The following CMIP variants were observed in gnomAD, a reference collection of about 807,000 sequenced individuals.
The protein encoded by CMIP is C-Maf-inducing protein.
In CMIP, 13 loss-of-function variants were observed where a neutral mutation model predicts 97.3. The observed-to-expected ratio is 0.13, with a 90% CI of 0.09 to 0.21. The LOEUF (loss-of-function observed/expected upper bound fraction) is 0.21. CMIP is among the 10% of genes least tolerant of loss of function. The probability of loss-of-function intolerance (pLI) is 1.00; values close to 1 mark genes in which losing one functional copy is unlikely to be tolerated. For synonymous variants in CMIP, 538 were observed against 436.3 expected (o/e 1.23, Z -2.91); for missense variants, 847 against 1,024.9 (o/e 0.83, Z 2.37).
intron 1 of CMIP, among the ~76,000 whole-genome samples, chr16:81,510,523 A>G (rs1231031281): frequency 1.3e-5 from 2 of 152,150 alleles, no homozygotes; most frequent in Non-Finnish European, 2.9e-5. Context: ...TAGCAAGCAA[A>G]GGGACATGCA....
chr16:81,595,550 G>A (rs1161514271), intron 1 of CMIP, among the ~76,000 whole-genome samples: 1 of 151,890 alleles, frequency 6.6e-6, no homozygotes, highest in Admixed American at 6.6e-5. Flanking sequence ...CACCATGCCT[G>A]GCTTATTTTT....
chr16:81,679,090 A>C (rs1056784911), intron 10 of CMIP, among the ~76,000 whole-genome samples: 12 of 152,190 alleles, frequency 7.9e-5, no homozygotes, highest in African/African-American at 2.9e-4. Flanking sequence ...GTGTGTGGAC[A>C]TCTCTACTGT....
At chr16:81,587,525 C>T (rs553898194) in intron 1 of CMIP, among the ~76,000 whole-genome samples, 3 of 152,324 alleles carry the variant, frequency 2.0e-5, no homozygotes, top group African/African-American at 7.2e-5. Flanking sequence ...ATCATCATCC[C>T]CATCACGGTA....
intron 1 of CMIP, among the ~76,000 whole-genome samples, chr16:81,485,848 G>C (rs1246577375): frequency 6.6e-6 from 1 of 152,198 alleles, no homozygotes; most frequent in African/African-American, 2.4e-5. Flanking sequence ...ATGAATGATA[G>C]AGCTGGGGTG....
intron 1 of CMIP, among the ~76,000 whole-genome samples, chr16:81,470,825 T>C (rs1907480582): frequency 6.6e-6 from 1 of 152,274 alleles, no homozygotes; most frequent in South Asian, 2.1e-4. Context: ...GTAAACACAA[T>C]TCTTGACTTC....
chr16:81,640,770 G>GTGTGTGTGTGTGTGTGTGTCTC (rs376370488), intron 3 of CMIP, among the ~76,000 whole-genome samples: 109 of 135,710 alleles, frequency 8.0e-4, no homozygotes, highest in African/African-American at 2.7e-3. Flanking sequence ...GTGTGTGTGT[G>GTGTGTGTGTGTGTGTGTGTCTC]TCTCTCTCTC....
At chr16:81,604,200 C>T (rs1567605367) in intron 1 of CMIP, among the ~76,000 whole-genome samples, 1 of 145,908 alleles carries the variant, frequency 6.9e-6, no homozygotes, top group African/African-American at 2.5e-5. Flanking sequence ...TCGAGACCAG[C>T]CTGGCCAACA....
chr16:81,709,128 C>A (rs1180124803), intron 20 of CMIP, among the ~76,000 whole-genome samples: 1 of 152,168 alleles, frequency 6.6e-6, no homozygotes, highest in Non-Finnish European at 1.5e-5. Flanking sequence ...CAGGTGGAAT[C>A]ACAGAGTCGA....
At chr16:81,490,273 T>C (rs1319224700) in intron 1 of CMIP, among the ~76,000 whole-genome samples, 1 of 152,206 alleles carries the variant, frequency 6.6e-6, no homozygotes, top group African/African-American at 2.4e-5. Context: ...GTTCTCGTGG[T>C]CAGGAGAGCC....
At chr16:81,513,728 G>A (rs937965570) in intron 1 of CMIP, among the ~76,000 whole-genome samples, 3 of 152,232 alleles carry the variant, frequency 2.0e-5, no homozygotes, top group Admixed American at 6.5e-5. Flanking sequence ...AGGCCAAGCC[G>A]TTTTGCAAGG....
chr16:81,524,402 C>T (rs573994083), intron 1 of CMIP, among the ~76,000 whole-genome samples: 28 of 152,364 alleles, frequency 1.8e-4, no homozygotes, highest in Admixed American at 5.2e-4. Flanking sequence ...TTCAGCCAGT[C>T]TGGCTCTGCT....
chr16:81,663,195 A>G (rs2092566471), intron 6 of CMIP, among the ~76,000 whole-genome samples: 2 of 152,140 alleles, frequency 1.3e-5, no homozygotes, highest in African/African-American at 4.8e-5. Context: ...TGCCGACGTT[A>G]CAGCAGCTGT....
At chr16:81,668,350 G>A (rs371877668) in intron 7 of CMIP, among the ~76,000 whole-genome samples, 2 of 152,240 alleles carry the variant, frequency 1.3e-5, no homozygotes, top group South Asian at 2.1e-4. Flanking sequence ...GAATGAATGC[G>A]GCGGCCAGAT....
chr16:81,567,543 C>A (rs1180775992), intron 1 of CMIP, among the ~76,000 whole-genome samples: 2 of 152,226 alleles, frequency 1.3e-5, no homozygotes, highest in Non-Finnish European at 1.5e-5. Flanking sequence ...GTCTCTGGGC[C>A]TCAGTTTCCA....
chr16:81,487,156 T>G (rs1165580818), intron 1 of CMIP, among the ~76,000 whole-genome samples: 2 of 149,208 alleles, frequency 1.3e-5, no homozygotes, highest in Non-Finnish European at 3.0e-5. Context: ...GGGGTGAGGC[T>G]TCTAGTGAAC....
intron 1 of CMIP, among the ~76,000 whole-genome samples, chr16:81,539,640 G>A (rs542185704): frequency 7.9e-5 from 12 of 152,140 alleles, no homozygotes; most frequent in African/African-American, 2.2e-4. Flanking sequence ...CCTACCCTGC[G>A]TCCTGTTTCC....
Position 81,703,810 on chromosome 16 carries a change from G to A in CMIP, c.1945-129G>A, listed in dbSNP as rs1907703098. ...GAGCTGTGCCCCCATCTCAGCTCCT[G>A]GGATTTACCGCCCCCCAGGAACAGC... On this transcript the variant is annotated intron_variant, in intron 17 of 20. Transcript: ENST00000537098. 7 of 1,313,742 alleles carry A rather than the reference G, an allele frequency of 5.3e-6. No homozygotes were observed. In the South Asian group the frequency reaches 7.4e-5, roughly 14 times the overall value. 81.4% of individuals were successfully genotyped at this position (1,313,742 alleles called of 1,614,324 possible).
At chr16:81,618,212 C>G (rs35191179) in intron 2 of CMIP, among the ~76,000 whole-genome samples, 1 of 152,114 alleles carries the variant, frequency 6.6e-6, no homozygotes, top group South Asian at 2.1e-4. Context: ...GGGGCTAAAA[C>G]GAAGGTGTCA....
intron 1 of CMIP, among the ~76,000 whole-genome samples, chr16:81,446,359 CT>C (rs1567519809): frequency 6.6e-6 from 1 of 151,044 alleles, no homozygotes; most frequent in Non-Finnish European, 1.5e-5. Context: ...AACCATTGAT[CT>C]GTTTCTGAAA....
Sources: allele counts gnomAD v4.1 joint callset (sites outside exome capture counted in the v4.1 genomes callset), GRCh38; gene constraint gnomAD v4.1.1; transcripts MANE v1.5; gene names NCBI Gene and HGNC (gene_info 2026-07-23, HGNC 2026-07-21).